The following PHGDH variants were observed in gnomAD, a reference collection of about 807,000 sequenced individuals.
PHGDH encodes D-3-phosphoglycerate dehydrogenase.
A neutral mutation model predicts 52.6 loss-of-function variants in PHGDH; 50 were observed. That is an observed-to-expected ratio of 0.95 (90% CI 0.76 to 1.20). PHGDH has a LOEUF of 1.20. PHGDH is among the 50% of genes most tolerant of loss of function. PHGDH has a pLI of 0.00. For synonymous variants in PHGDH, 271 were observed against 280.5 expected (o/e 0.97, Z 0.34); for missense variants, 630 against 684.6 (o/e 0.92, Z 0.89).
chr1:119,721,188 G>T lies in PHGDH; in HGVS notation c.157G>T (p.Val53Phe), dbSNP rs758104977. The T allele has an allele frequency of 4.3e-6, 7 of 1,614,082 alleles. No homozygotes were observed. In the South Asian group the frequency reaches 7.7e-5, roughly 18 times the overall value. The part of the protein sequence containing the change: ...AELQDCEGLI[V>F]RSATKVTADV... ...GCTTCAGGACTGTGAAGGCCTTATTGTTCGCTCTGCCACCAAGGTGACCGC... is the reference window on the plus strand; with the variant it reads ...GCTTCAGGACTGTGAAGGCCTTATTTTTCGCTCTGCCACCAAGGTGACCGC... The change falls in exon 2 of 12, where the codon GTT (valine) becomes TTT (phenylalanine). Residue 53 changes from valine (V) to phenylalanine (F), a missense_variant. Transcript: ENST00000641023.
At chr1:119,728,213 A>T (rs1250342388) in intron 5 of PHGDH, among the ~76,000 whole-genome samples, 2 of 152,142 alleles carry the variant, frequency 1.3e-5, no homozygotes, top group African/African-American at 4.8e-5. Flanking sequence ...TGACTATAGG[A>T]TCACCAAGGT....
chr1:119,735,437 T>C lies in PHGDH; in HGVS notation c.786T>C (p.Phe262=), dbSNP rs1221851702. The C allele has an allele frequency of 1.9e-6, 3 of 1,612,750 alleles. No individual in the cohort carries two copies. Among genetic ancestry groups the C allele is most frequent in the East Asian group, 2.2e-5 (1 of 44,900 alleles). ...GQCAGAALDV[F]TEEPPRDRAL... ...GTGCCGGGGCTGCACTGGACGTGTT[T>C]ACGGAAGTAAGTGCCTGGCAGCCTC... The change falls in exon 7 of 12, where the codon TTT becomes TTC. Residue 262 remains phenylalanine (F), a synonymous_variant. Coordinates refer to ENST00000641023, the MANE Select transcript of PHGDH (RefSeq NM_006623.4).
At chr1:119,737,068 T>C (rs1257417526) in intron 7 of PHGDH, 46 bp from the exon 8 acceptor site, 2 of 1,606,980 alleles carry the variant, frequency 1.2e-6, no homozygotes, top group East Asian at 2.2e-5. Context: ...CAAGAGGGTG[T>C]GGCCAGTCCA....
chr1:119,724,615 A>T (rs587776209), intron 3 of PHGDH: 25 of 372,254 alleles, frequency 6.7e-5, no homozygotes, highest in South Asian at 5.1e-4. Flanking sequence ...GGAGAAGTAC[A>T]GAAGCCTGGC....
At chr1:119,740,603 C>A in intron 9 of PHGDH, 85 bp downstream of exon 9, 1 of 1,238,148 alleles carries the variant, frequency 8.1e-7, no homozygotes, top group Non-Finnish European at 1.1e-6. Context: ...TGCTGCAGGA[C>A]ACAGGGTTAG....
At chr1:119,720,255 A>AT (rs1253279444) in intron 1 of PHGDH, 1 of 152,034 alleles carries the variant, frequency 6.6e-6, no homozygotes, top group Non-Finnish European at 1.5e-5. Context: ...TCAGTGTCTT[A>AT]TTTTTTGCAT....
At position 119,729,272 on chromosome 1, in the gene PHGDH, A is replaced by C. The variant is rs1651584291; in HGVS notation, c.510+2170A>C. Among the ~76,000 whole-genome samples, 5 of 152,112 alleles carry C rather than the reference A, an allele frequency of 3.3e-5. 1 individual carries two copies. The South Asian group carries it at 1.0e-3, about 32-fold the overall frequency. On this transcript the variant is annotated intron_variant, in intron 5 of 11. Transcript: ENST00000641023. The stretch of plus-strand genomic sequence containing the variant: ...TGGGATGCCATAAGCCACAAAGAGC[A>C]CTCCCTCCTCCATCCTCTTTTGTAA...
At position 119,721,278 on chromosome 1, in the gene PHGDH, G is replaced by A; in HGVS notation, c.247G>A (p.Val83Met). The change falls in exon 2 of 12, where the codon GTG becomes ATG. Residue 83 changes from valine (V) to methionine (M), a missense_variant. By Grantham distance (21) the Val-to-Met change is conservative (BLOSUM62 1). Coordinates refer to ENST00000641023, the MANE Select transcript of PHGDH (RefSeq NM_006623.4). ...CAGGGCTGGCACAGGTGTGGACAAT[G>A]TGGATCTGGAGGCCGCAACAAGGAA... The part of the protein sequence containing the change: ...VGRAGTGVDN[V>M]DLEAATRKGI... 1 of 1,614,182 alleles carries A rather than the reference G, an allele frequency of 6.2e-7. No homozygotes were observed. The highest frequency in any genetic ancestry group is 2.2e-5 in the East Asian group (1 of 44,886).
intron 9 of PHGDH, among the ~76,000 whole-genome samples, chr1:119,741,427 G>C (rs1174675189): frequency 6.6e-6 from 1 of 152,230 alleles, no homozygotes; most frequent in Non-Finnish European, 1.5e-5. Flanking sequence ...TGCCAGGAAG[G>C]GGTAAGAGTA....
chr1:119,714,665 T>C (rs1650846921), intron 1 of PHGDH, among the ~76,000 whole-genome samples: 1 of 152,104 alleles, frequency 6.6e-6, no homozygotes, highest in South Asian at 2.1e-4. Context: ...ACTGAGGAGG[T>C]TGAGACCAGA....
intron 8 of PHGDH, 40 bp downstream of exon 8, chr1:119,737,306 GGGA>G (rs1651987415): frequency 1.3e-6 from 2 of 1,575,890 alleles, no homozygotes; most frequent in African/African-American, 1.3e-5. Flanking sequence ...AGGAGTCAGA[GGGA>G]GGAGAGGAAG....
At chr1:119,724,982 G>A (rs1340875336) in intron 3 of PHGDH, 1 of 456,618 alleles carries the variant, frequency 2.2e-6, no homozygotes. Flanking sequence ...GTGCCTATAT[G>A]TAGACTCTAC....
At position 119,723,435 on chromosome 1, in the gene PHGDH, TGGCCA is replaced by T. The variant is rs1453192521; in HGVS notation, c.353_356+1del. 1 of 1,612,892 alleles carries T rather than the reference TGGCCA, an allele frequency of 6.2e-7. No individual in the cohort carries two copies. The highest frequency in any genetic ancestry group is 8.5e-7 in the Non-Finnish European group (1 of 1,179,022). On this transcript the variant is annotated frameshift_variant and splice_region_variant, in exon 3 of 12. Transcript: ENST00000641023. LOFTEE classifies it high-confidence loss of function. The stretch of plus-strand genomic sequence containing the variant: ...CTCACTTGTGGAATGATCATGTGCC[TGGCCA>T]GGTAAGTCCCTGACTTCTCAGCAAA...
rs587623477 is a variant in PHGDH at position 119,712,151 on chromosome 1, G to A, written c.129G>A (p.Ala43=). 2.5e-6 allele frequency: 4 copies of A among 1,613,984 alleles called. No individual in the cohort carries two copies. The African/African-American group carries it at 5.3e-5, about 22-fold the overall frequency. Residue 43 remains alanine (A), a synonymous_variant, in exon 1 of 12, where the codon GCG becomes GCA. Coordinates refer to ENST00000641023, the MANE Select transcript of PHGDH (RefSeq NM_006623.4). ...ACCTTAGCAAAGAGGAGCTGATAGC[G>A]GAGCTGCAGGTAAGGCGAGAGAGAG... ...KQNLSKEELI[A]ELQDCEGLIV...
rs892726294 is a variant in PHGDH, at chr1:119,735,337, T to C, written c.686T>C (p.Val229Ala). Residue 229 changes from valine to alanine, a missense_variant, in exon 7 of 12, where the codon GTG (valine) becomes GCG (alanine). Val to Ala is a moderately conservative substitution (Grantham distance 64). Transcript: ENST00000641023. ...DNTFAQCKKG[V>A]RVVNCARGGI... ...ACCTTTGCCCAGTGCAAGAAGGGGG[T>C]GCGTGTGGTGAACTGTGCCCGTGGA... 2 of 1,613,966 alleles carry C rather than the reference T, an allele frequency of 1.2e-6. No homozygotes were observed. The highest frequency in any genetic ancestry group is 1.7e-6 in the Non-Finnish European group (2 of 1,179,990).
intron 1 of PHGDH, among the ~76,000 whole-genome samples, chr1:119,714,000 T>C (rs1240311913): frequency 6.6e-6 from 1 of 152,156 alleles, no homozygotes; most frequent in Non-Finnish European, 1.5e-5. Context: ...TTAAAGGCGC[T>C]GAAAACTCTT....
In PHGDH at chr1:119,735,291, C is replaced by T. The variant is rs750611174; in HGVS notation, c.644-4C>T. On this transcript the variant is annotated splice_polypyrimidine_tract_variant and splice_region_variant and intron_variant, in intron 6 of 11. Transcript: ENST00000641023. Reference sequence around the variant, plus strand: ...CAGCAGGAAGATGCTTCGCTTTCTTCCAGGCTTGCTGAATGACAACACCTT... The same window carrying T: ...CAGCAGGAAGATGCTTCGCTTTCTTTCAGGCTTGCTGAATGACAACACCTT... 1.7e-5 allele frequency: 28 copies of T among 1,614,070 alleles called. No homozygotes were observed. The highest frequency in any genetic ancestry group is 2.4e-5 in the Non-Finnish European group (28 of 1,180,036).
chr1:119,727,359 T>C, intron 5 of PHGDH: 1 of 542,952 alleles, frequency 1.8e-6, no homozygotes, highest in Non-Finnish European at 3.3e-6. Flanking sequence ...GAACCAGGTG[T>C]TGATGGCTCT....
Position 119,744,142 on chromosome 1 carries a change from C to T in PHGDH, c.*102C>T. ...TCCACATTCTTGGGCTGAACGCGGG[C>T]CTCTGACACTGCTTACACTGCACTC... On this transcript the variant is annotated 3_prime_UTR_variant, in exon 12 of 12. Coordinates refer to ENST00000641023, the MANE Select transcript of PHGDH (RefSeq NM_006623.4). 1 of 1,058,080 alleles carries T rather than the reference C, an allele frequency of 9.5e-7. No homozygotes were observed. Among genetic ancestry groups the T allele is most frequent in the Non-Finnish European group, 1.5e-6 (1 of 680,190 alleles). The allele number at this position is 1,058,080 out of a possible 1,614,324, so 65.5% of individuals were successfully genotyped here. A position where few individuals can be genotyped will look rare whatever the true frequency, so the allele number is the denominator to read the frequency against.
Sources: allele counts gnomAD v4.1 joint callset (sites outside exome capture counted in the v4.1 genomes callset), GRCh38; gene constraint gnomAD v4.1.1; transcripts MANE v1.5; gene names NCBI Gene and HGNC (gene_info 2026-07-23, HGNC 2026-07-21).